Variants in CBARP observed in about 807,000 individuals in gnomAD.
CBARP encodes the protein voltage-dependent calcium channel beta subunit-associated regulatory protein.
CBARP carries 24 observed loss-of-function variants against 36.3 expected under a neutral mutation model. The ratio of observed to expected loss-of-function variants is 0.66; its 90% CI spans 0.48 to 0.93. CBARP has a LOEUF of 0.93. Among genes scored for constraint, CBARP ranks in the 40% least tolerant of loss-of-function variants. The pLI is 0.00. For synonymous variants in CBARP, 586 were observed against 453.2 expected (o/e 1.29, Z -3.72); for missense variants, 1,146 against 980.4 (o/e 1.17, Z -2.26).
At chr19:1,233,940 C>T (rs777701284) in intron 7 of CBARP, among the ~76,000 whole-genome samples, 24 of 152,250 alleles carry the variant, frequency 1.6e-4, no homozygotes, top group African/African-American at 5.5e-4. Context: ...GCAGGGGTGG[C>T]GCACCCTCTC....
rs1157926658 is a variant in CBARP, at chr19:1,231,193, C to T, written c.1062G>A (p.Glu354=). 4 of 1,603,918 alleles carry T rather than the reference C, an allele frequency of 2.5e-6. No individual in the cohort carries two copies. Among genetic ancestry groups the T allele is most frequent in the African/African-American group, 2.7e-5 (2 of 74,884 alleles). ...TEQEEGDAPQ[E]DFIQYIARAG... Reference sequence around the variant, plus strand: ...CCCGGGCAATGTACTGGATGAAGTCCTCCTGGGGGGCATCCCCCTCCTCCT... The same window carrying T: ...CCCGGGCAATGTACTGGATGAAGTCTTCCTGGGGGGCATCCCCCTCCTCCT... Residue 354 remains glutamate (E), a synonymous_variant, in exon 9 of 10, where the codon GAG becomes GAA. Transcript: ENST00000650044.
intron 3 of CBARP, 28 bp from the exon 4 acceptor site, chr19:1,235,593 G>A (rs1385908727): frequency 6.2e-7 from 1 of 1,600,238 alleles, no homozygotes; most frequent in South Asian, 1.1e-5. Flanking sequence ...AGAGCCCAGT[G>A]GCACGGAGGG....
rs1229356947 is a variant in CBARP, at chr19:1,229,010, G to A, written c.*169C>T. ...GGCGCGAGGGCGGCCGGGGCTCTGC[G>A]CCTGCGCCCTGAAGCGGCGAGCGCG... On this transcript the variant is annotated 3_prime_UTR_variant, in exon 10 of 10. Coordinates refer to ENST00000650044, the MANE Select transcript of CBARP (RefSeq NM_001393918.1). The surrounding 1 kb of genome is among the most constrained non-coding windows in gnomAD (Gnocchi z 5.1). 1.3e-5 allele frequency: 2 copies of A among 154,746 alleles called. No individual in the cohort carries two copies. Among genetic ancestry groups the A allele is most frequent in the African/African-American group, 4.9e-5 (2 of 41,056 alleles). 9.6% of individuals were successfully genotyped at this position (154,746 alleles called of 1,614,324 possible). A position where few individuals can be genotyped will look rare whatever the true frequency, so the allele number is the denominator to read the frequency against.
chr19:1,229,382 C>T lies in CBARP; in HGVS notation c.1915G>A (p.Ala639Thr), dbSNP rs1408027753. The T allele has an allele frequency of 1.8e-5, 21 of 1,138,626 alleles. No homozygotes were observed. The highest frequency in any genetic ancestry group is 2.2e-5 in the Non-Finnish European group (20 of 912,338). 70.5% of individuals were successfully genotyped at this position (1,138,626 alleles called of 1,614,324 possible). A position where few individuals can be genotyped will look rare whatever the true frequency, so the allele number is the denominator to read the frequency against. Residue 639 changes from alanine (A) to threonine (T), a missense_variant, in exon 10 of 10, where the codon GCC (alanine) becomes ACC (threonine). Coordinates refer to ENST00000650044, the MANE Select transcript of CBARP (RefSeq NM_001393918.1). The surrounding 1 kb of genome is among the most constrained non-coding windows in gnomAD (Gnocchi z 5.1). ...GGCTCCTCCTCGATGACGGGGATGG[C>T]GGGGTCGTCGCCGGCGCCGCCCAGG... ...RTLGGAGDDP[A>T]IPVIEEEPGG...
chr19:1,230,533 C>G (rs2080876249), intron 9 of CBARP: 3 of 1,045,788 alleles, frequency 2.9e-6, no homozygotes, highest in Non-Finnish European at 3.5e-6. Context: ...CTAGGGCTCT[C>G]TGCCCACCCA....
intron 8 of CBARP, among the ~76,000 whole-genome samples, chr19:1,232,905 A>G (rs1384182718): frequency 6.6e-6 from 1 of 152,180 alleles, no homozygotes; most frequent in Non-Finnish European, 1.5e-5. Flanking sequence ...CCAGTCCAAC[A>G]CTTACTTCGT....
chr19:1,232,416 G>T (rs1173565556), intron 8 of CBARP, among the ~76,000 whole-genome samples: 1 of 152,130 alleles, frequency 6.6e-6, no homozygotes, highest in Non-Finnish European at 1.5e-5. Context: ...CCTTCTCTCT[G>T]CACTTGTCCC....
Position 1,229,834 on chromosome 19 carries a change from G to C in CBARP, c.1463C>G (p.Pro488Arg). The C allele has an allele frequency of 1.0e-6, 1 of 984,142 alleles. No homozygotes were observed. The highest frequency in any genetic ancestry group is 1.2e-6 in the Non-Finnish European group (1 of 830,568). The allele number at this position is 984,142 out of a possible 1,614,324, so 61.0% of individuals were successfully genotyped here. The stretch of plus-strand genomic sequence containing the variant: ...GCGCGCCTCGCCGTCCTTGGGCCGC[G>C]GCGCGGGCGGGGAGGGCGGCGGGAA... ...PAFPPPSPPA[P>R]RPKDGEARRL... is the part of the protein sequence containing the mutation. Residue 488 changes from proline to arginine, a missense_variant, in exon 10 of 10, where the codon CCG becomes CGG. Pro to Arg is a moderately radical substitution (Grantham distance 103). Transcript: ENST00000650044. The surrounding 1 kb of genome is among the most constrained non-coding windows in gnomAD (Gnocchi z 5.1).
At chr19:1,231,977 C>T (rs1160492447) in intron 8 of CBARP, among the ~76,000 whole-genome samples, 2 of 152,112 alleles carry the variant, frequency 1.3e-5, no homozygotes, top group African/African-American at 4.8e-5. Flanking sequence ...CTGGCTGAAA[C>T]TACGGAAGGC....
intron 8 of CBARP, among the ~76,000 whole-genome samples, chr19:1,232,995 G>A (rs1234844092): frequency 6.6e-6 from 1 of 152,256 alleles, no homozygotes; most frequent in African/African-American, 2.4e-5. Flanking sequence ...CAGCGGGCGA[G>A]GGAGGGGCCC....
intron 1 of CBARP, 63 bp from the exon 2 acceptor site, chr19:1,236,184 A>ACAAG: frequency 7.4e-7 from 1 of 1,359,988 alleles, no homozygotes; most frequent in Non-Finnish European, 9.4e-7. Context: ...GCCACTGCAG[A>ACAAG]CAAGCTGGGT....
At chr19:1,230,493 G>A (rs979276679) in intron 9 of CBARP, 70 of 1,008,308 alleles carry the variant, frequency 6.9e-5, no homozygotes, top group Non-Finnish European at 8.0e-5. Context: ...GACTGGACGC[G>A]GTTGAGTCCA....
intron 8 of CBARP, among the ~76,000 whole-genome samples, chr19:1,233,002 G>A (rs1014222544): frequency 1.3e-5 from 2 of 152,254 alleles, no homozygotes; most frequent in African/African-American, 2.4e-5. Context: ...CGAGGGAGGG[G>A]CCCCGGGGGA....
At chr19:1,236,154 G>C in intron 1 of CBARP, 33 bp from the exon 2 acceptor site, 1 of 1,383,182 alleles carries the variant, frequency 7.2e-7, no homozygotes, top group Non-Finnish European at 9.3e-7. Flanking sequence ...GCTCCAGCTA[G>C]ACCTACTTCT....
At chr19:1,230,820 C>A (rs1010266157) in intron 9 of CBARP, 2 of 1,469,456 alleles carry the variant, frequency 1.4e-6, no homozygotes, top group African/African-American at 1.4e-5. Flanking sequence ...CTTCAGGCCT[C>A]GGACTCCACC....
At chr19:1,230,305 G>A in intron 9 of CBARP, 163 bp from the exon 10 acceptor site, 2 of 990,708 alleles carry the variant, frequency 2.0e-6, no homozygotes, top group Non-Finnish European at 2.4e-6. Flanking sequence ...GTTTTGCAGG[G>A]GATGCGTCTT....
chr19:1,234,398 A>T, intron 6 of CBARP, 67 bp from the exon 7 acceptor site: 1 of 1,435,044 alleles, frequency 7.0e-7, no homozygotes, highest in East Asian at 2.5e-5. Context: ...GGTGAGGGAC[A>T]TGGGCAGGTG....
chr19:1,235,705 G>A, intron 3 of CBARP, 74 bp downstream of exon 3: 1 of 1,602,528 alleles, frequency 6.2e-7, no homozygotes, highest in Non-Finnish European at 8.5e-7. Context: ...AGAAGCCAGT[G>A]AGGTAGACCC....
chr19:1,237,615 G>C (rs2080993386), intron 1 of CBARP, 141 bp downstream of exon 1: 1 of 152,112 alleles, frequency 6.6e-6, no homozygotes, highest in Non-Finnish European at 1.5e-5. Context: ...CAGCCGGGTG[G>C]GGGGCGCAAG....
Sources: gnomAD v4.1 joint callset for allele counts (sites outside exome capture counted in the v4.1 genomes callset) on GRCh38, gnomAD v4.1.1 for gene constraint, Gnocchi (gnomAD v3.1) non-coding constraint, MANE v1.5 for transcripts, NCBI Gene and HGNC (gene_info 2026-07-23, HGNC 2026-07-21) for gene names.